The following PCM1 variants were observed in gnomAD, a reference collection of about 807,000 sequenced individuals.
PCM1 encodes the protein pericentriolar material 1.
PCM1 carries 157 observed loss-of-function variants against 241.9 expected under a neutral mutation model. That is an observed-to-expected ratio of 0.65 (90% CI 0.57 to 0.74). The LOEUF (loss-of-function observed/expected upper bound fraction) is 0.74. Among genes scored for constraint, PCM1 ranks in the 30% least tolerant of loss-of-function variants. PCM1 has a pLI of 0.00. For missense variants in PCM1, 3,478 were observed against 2,360.1 expected (o/e 1.47, Z -9.81); for synonymous variants, 1,085 against 784.9 (o/e 1.38, Z -6.39).
intron 27 of PCM1, 133 bp downstream of exon 27, chr8:17,990,112 TATCA>T: frequency 1.6e-6 from 1 of 630,818 alleles, no homozygotes; most frequent in Middle Eastern, 4.0e-4. Context: ...CTTAATTATC[TATCA>T]GTCTAAAATC....
intron 7 of PCM1, among the ~76,000 whole-genome samples, chr8:17,948,373 C>G (rs531365604): frequency 1.5e-5 from 2 of 130,620 alleles, no homozygotes; most frequent in Non-Finnish European, 3.1e-5. Flanking sequence ...GGCATGTTCT[C>G]GGCTCACTGC....
At chr8:17,935,367 G>C (rs892520521) in intron 2 of PCM1, among the ~76,000 whole-genome samples, 1 of 152,078 alleles carries the variant, frequency 6.6e-6, no homozygotes, top group African/African-American at 2.4e-5. Flanking sequence ...TATATTCAGG[G>C]GTTTTCCTTT....
chr8:18,019,868 G>C (rs2093619936), intron 36 of PCM1, among the ~76,000 whole-genome samples: 2 of 152,140 alleles, frequency 1.3e-5, no homozygotes, highest in South Asian at 2.1e-4. Flanking sequence ...CATAGGATGT[G>C]ATCTGACTGC....
rs545513348 is a variant in PCM1 at position 18,029,641 on chromosome 8, ATAATT to A, written c.*1982_*1986del. ...GTCTATTGTTTTTCTATTTTAGTAG[ATAATT>A]TAGTTTTAAAATACGTAGGGTTTGA... On this transcript the variant is annotated 3_prime_UTR_variant, in exon 39 of 39. Transcript: ENST00000325083. 0.011 allele frequency: 2,293 copies of A among 201,586 alleles called. 17 individuals carry two copies. Among genetic ancestry groups the A allele is most frequent in the Non-Finnish European group, 0.017 (1,673 of 97,950 alleles). The allele number at this position is 201,586 out of a possible 1,614,324, so 12.5% of individuals were successfully genotyped here. A position where few individuals can be genotyped will look rare whatever the true frequency, so the allele number is the denominator to read the frequency against.
chr8:17,999,838 CT>C (rs962841621), intron 29 of PCM1, among the ~76,000 whole-genome samples: 12 of 150,196 alleles, frequency 8.0e-5, no homozygotes, highest in African/African-American at 2.7e-4. Context: ...CCACCCCTGC[CT>C]TTTTTTTTAA....
intron 36 of PCM1, among the ~76,000 whole-genome samples, chr8:18,024,259 A>G (rs565180310): frequency 2.0e-5 from 3 of 152,270 alleles, no homozygotes; most frequent in East Asian, 3.9e-4. Flanking sequence ...CTAGCTACTC[A>G]GGAGGCTGAG....
chr8:17,956,675 A>T lies in PCM1; in HGVS notation c.1544A>T (p.Asp515Val). 6.2e-7 allele frequency: 1 copy of T among 1,600,552 alleles called. No homozygotes were observed. Among genetic ancestry groups the T allele is most frequent in the Non-Finnish European group, 8.5e-7 (1 of 1,169,940 alleles). ...GTTCATTATTATGAACAAACGTCAG[A>T]CATGATGACAGATGCTGTGAATGAA... ...ELVHYYEQTSDMMTDAVNENR... is the reference protein window; with the variant it reads ...ELVHYYEQTSVMMTDAVNENR... Residue 515 changes from aspartate to valine, a missense_variant, in exon 11 of 39, where the codon GAC becomes GTC. By Grantham distance (152) the Asp-to-Val change is radical. Transcript: ENST00000325083.
chr8:17,996,458 T>A (rs2086790304), intron 29 of PCM1, among the ~76,000 whole-genome samples: 2 of 152,214 alleles, frequency 1.3e-5, no homozygotes, highest in South Asian at 4.1e-4. Flanking sequence ...GTCTCCTTTT[T>A]CATCTCTGAT....
chr8:17,943,082 A>G (rs17125996), intron 6 of PCM1, among the ~76,000 whole-genome samples: 1,599 of 151,956 alleles, frequency 0.011, 24 homozygotes, highest in African/African-American at 0.037. Flanking sequence ...CTATTTTAGT[A>G]ATTGAGTATA....
intron 22 of PCM1, among the ~76,000 whole-genome samples, chr8:17,970,620 A>G (rs1336256556): frequency 1.3e-5 from 2 of 152,138 alleles, no homozygotes; most frequent in African/African-American, 4.8e-5. Flanking sequence ...ACACAGTGTT[A>G]GTTCACAGTT....
intron 13 of PCM1, among the ~76,000 whole-genome samples, chr8:17,958,065 A>G (rs1370997485): frequency 1.3e-5 from 2 of 152,242 alleles, no homozygotes; most frequent in Non-Finnish European, 2.9e-5. Context: ...ATTATTTGCC[A>G]ATATAGCTTT....
intron 38 of PCM1, among the ~76,000 whole-genome samples, chr8:18,026,271 T>TG (rs927646961): frequency 6.7e-6 from 1 of 149,004 alleles, no homozygotes; most frequent in Non-Finnish European, 1.5e-5. Context: ...TTTTTTTTTT[T>TG]TTTTTGAGAC....
chr8:17,968,754 GTGTGTGTGTATATATA>G (rs2075835796), intron 21 of PCM1, among the ~76,000 whole-genome samples: 1 of 129,290 alleles, frequency 7.7e-6, no homozygotes, highest in Non-Finnish European at 1.7e-5. Flanking sequence ...GTGTGTGTGT[GTGTGTGTGTATATATA>G]TATATATACA....
At position 17,930,142 on chromosome 8, in the gene PCM1, C is replaced by T. The variant is rs375690712; in HGVS notation, c.-23+5362C>T. Among the ~76,000 whole-genome samples, 287 of 149,516 alleles carry T rather than the reference C, an allele frequency of 1.9e-3. 4 individuals are homozygous for T. The highest frequency in any genetic ancestry group is 6.4e-3 in the African/African-American group (258 of 40,628). On this transcript the variant is annotated intron_variant, in intron 2 of 38. Transcript: ENST00000325083. Reference sequence around the variant, plus strand: ...TTTTTGAGACAGAGTCTCGCTCTTCCGCCCAGGCCGGAGTGCAGTGGTGTT... The same window carrying T: ...TTTTTGAGACAGAGTCTCGCTCTTCTGCCCAGGCCGGAGTGCAGTGGTGTT...
chr8:18,011,599 A>G, intron 33 of PCM1, 68 bp from the exon 34 acceptor site: 1 of 1,380,042 alleles, frequency 7.2e-7, no homozygotes, highest in Non-Finnish European at 9.9e-7. Flanking sequence ...GCAGGAATGC[A>G]GTAAGTGGTA....
At chr8:17,969,438 A>G (rs2076131885) in intron 21 of PCM1, 139 bp from the exon 22 acceptor site, 2 of 663,070 alleles carry the variant, frequency 3.0e-6, no homozygotes, top group Non-Finnish European at 2.5e-6. Flanking sequence ...TTGGATAAAT[A>G]TTAGCTTTTT....
At chr8:17,997,801 G>T (rs137901918) in intron 29 of PCM1, among the ~76,000 whole-genome samples, 80 of 151,396 alleles carry the variant, frequency 5.3e-4, no homozygotes, top group African/African-American at 1.8e-3. Flanking sequence ...TGGGGCGGGT[G>T]ATCACTTGAG....
intron 29 of PCM1, among the ~76,000 whole-genome samples, chr8:18,003,011 C>A (rs2090128083): frequency 6.6e-6 from 1 of 152,162 alleles, no homozygotes; most frequent in Non-Finnish European, 1.5e-5. Flanking sequence ...TACCTACCTG[C>A]ATGGCTTGTT....
chr8:17,955,130 G>C (rs568908849), intron 9 of PCM1, among the ~76,000 whole-genome samples: 3 of 151,992 alleles, frequency 2.0e-5, no homozygotes, highest in Admixed American at 2.0e-4. Flanking sequence ...AAGTTTACTC[G>C]TTAGTTAAAA....
Sources: allele counts gnomAD v4.1 joint callset (sites outside exome capture counted in the v4.1 genomes callset), GRCh38; gene constraint gnomAD v4.1.1; transcripts MANE v1.5; gene names NCBI Gene and HGNC (gene_info 2026-07-23, HGNC 2026-07-21).